The following SOS1 variants were observed in gnomAD, a reference collection of about 807,000 sequenced individuals.
The protein encoded by SOS1 is SOS Ras/Rac guanine nucleotide exchange factor 1.
SOS1 carries 25 observed loss-of-function variants against 157.6 expected under a neutral mutation model. The ratio of observed to expected loss-of-function variants is 0.16; its 90% CI spans 0.12 to 0.22. The LOEUF (loss-of-function observed/expected upper bound fraction) is 0.22, where lower values mean the gene tolerates loss of function less well. Ranked by LOEUF, SOS1 falls within the 10% of genes least tolerant of loss-of-function variation. The probability of loss-of-function intolerance (pLI) is 1.00; values close to 1 mark genes in which losing one functional copy is unlikely to be tolerated. For missense variants in SOS1, 1,237 were observed against 1,599.1 expected (o/e 0.77, Z 3.86); for synonymous variants, 528 against 534.0 (o/e 0.99, Z 0.16).
chr2:39,042,646 G>A (rs1201834511), intron 6 of SOS1, among the ~76,000 whole-genome samples: 5 of 149,540 alleles, frequency 3.3e-5, no homozygotes, highest in Admixed American at 1.3e-4. Flanking sequence ...CTTGTGATCC[G>A]CCCGCCTCAG....
In SOS1 at chr2:39,007,159, C is replaced by T. The variant is rs957752399; in HGVS notation, c.2545G>A (p.Val849Ile). ...IVETENLEER[V>I]AVVSRIIEIL... ...TCAATAATTCGACTCACCACAGCTA[C>T]TCTTTCTTCTAAATTTTCAGTTTCT... Residue 849 changes from valine to isoleucine, a missense_variant, in exon 16 of 23, where the codon GTA becomes ATA. Val to Ile is a conservative substitution (Grantham distance 29). Around this residue, in one of 15 missense-constraint regions of SOS1, gnomAD observed 105 missense variants for 236.0 expected, o/e 0.44. Coordinates refer to ENST00000402219, the MANE Select transcript of SOS1 (RefSeq NM_005633.4). 32 of 1,605,236 alleles carry T rather than the reference C, an allele frequency of 2.0e-5. No individual in the cohort carries two copies. Among genetic ancestry groups the T allele is most frequent in the Non-Finnish European group, 2.6e-5 (30 of 1,172,228 alleles).
intron 17 of SOS1, among the ~76,000 whole-genome samples, chr2:39,002,321 C>G (rs1669130337): frequency 6.7e-6 from 1 of 150,198 alleles, no homozygotes; most frequent in Non-Finnish European, 1.5e-5. Context: ...GTGAAACTGT[C>G]TTAAAAAAAA....
At position 39,035,314 on chromosome 2, in the gene SOS1, GAA is replaced by G. The variant is rs771586560; in HGVS notation, c.976-6_976-5del. The G allele has an allele frequency of 3.1e-6, 5 of 1,610,712 alleles. No homozygotes were observed. The highest frequency in any genetic ancestry group is 4.2e-6 in the Non-Finnish European group (5 of 1,177,464). ...CTTTGAAACCTTCGCCTATTGACTG[GAA>G]AAAAAAGTGATTTAATTTTTTTTTT... On this transcript the variant is annotated splice_region_variant and splice_polypyrimidine_tract_variant and intron_variant, in intron 7 of 22. Transcript: ENST00000402219.
intron 1 of SOS1, among the ~76,000 whole-genome samples, chr2:39,110,142 T>G (rs1673369242): frequency 6.6e-6 from 1 of 151,614 alleles, no homozygotes; most frequent in South Asian, 2.1e-4. Context: ...AGGACCTCCC[T>G]CAGATACCAG....
chr2:38,989,203 A>G (rs1016508514), intron 21 of SOS1, 67 bp downstream of exon 21: 1 of 1,085,332 alleles, frequency 9.2e-7, no homozygotes. Context: ...TTAGCAGGAA[A>G]GGTTACACTT....
intron 2 of SOS1, 30 bp downstream of exon 2, chr2:39,067,598 A>T (rs1419644244): frequency 6.3e-7 from 1 of 1,599,502 alleles, no homozygotes; most frequent in African/African-American, 1.4e-5. Context: ...AATTAGATAT[A>T]AAGTAAATAC....
At chr2:39,070,222 A>G (rs548574438) in intron 1 of SOS1, among the ~76,000 whole-genome samples, 1 of 152,258 alleles carries the variant, frequency 6.6e-6, no homozygotes, top group African/African-American at 2.4e-5. Flanking sequence ...CATGCCCCCA[A>G]TGGCTTAAAC....
intron 1 of SOS1, among the ~76,000 whole-genome samples, chr2:39,090,229 G>A (rs995741413): frequency 6.6e-6 from 1 of 151,882 alleles, no homozygotes; most frequent in Non-Finnish European, 1.5e-5. Flanking sequence ...TAGCGCCTAG[G>A]GCTAGTTTAG....
At chr2:39,040,468 C>T (rs2124573827) in intron 6 of SOS1, among the ~76,000 whole-genome samples, 1 of 152,252 alleles carries the variant, frequency 6.6e-6, no homozygotes, top group East Asian at 1.9e-4. Flanking sequence ...ACTCTGTATC[C>T]ATTAAACAGT....
chr2:39,078,378 A>C (rs1159609054), intron 1 of SOS1, among the ~76,000 whole-genome samples: 5 of 152,242 alleles, frequency 3.3e-5, no homozygotes, highest in African/African-American at 4.8e-5. Context: ...ATTTGGATTA[A>C]AGTTTAACAT....
Position 39,120,433 on chromosome 2 carries a change from G to C in SOS1, c.-11C>G. The C allele has an allele frequency of 6.4e-7, 1 of 1,571,894 alleles. No individual in the cohort carries two copies. Among genetic ancestry groups the C allele is most frequent in the Non-Finnish European group, 8.6e-7 (1 of 1,161,590 alleles). Reference sequence around the variant, plus strand: ...CTGCTGCGCCTGCATGGTGCCCCCGGGGCGCCTCTGGGCGGGGAGAGGGGC... The same window carrying C: ...CTGCTGCGCCTGCATGGTGCCCCCGCGGCGCCTCTGGGCGGGGAGAGGGGC... On this transcript the variant is annotated 5_prime_UTR_variant, in exon 1 of 23. Coordinates refer to ENST00000402219, the MANE Select transcript of SOS1 (RefSeq NM_005633.4).
intron 1 of SOS1, among the ~76,000 whole-genome samples, chr2:39,076,465 C>T (rs1417950755): frequency 6.6e-6 from 1 of 151,758 alleles, no homozygotes; most frequent in South Asian, 2.1e-4. Flanking sequence ...ACACCATGAC[C>T]GACTTGGGCT....
chr2:39,024,265 T>C (rs1215844447), intron 8 of SOS1, 128 bp from the exon 9 acceptor site: 4 of 784,030 alleles, frequency 5.1e-6, no homozygotes, highest in Non-Finnish European at 8.4e-6. Flanking sequence ...TGTCATCAAA[T>C]ATTCTTTTTA....
intron 1 of SOS1, among the ~76,000 whole-genome samples, chr2:39,068,956 G>A (rs1375124441): frequency 6.6e-6 from 1 of 152,054 alleles, no homozygotes; most frequent in Admixed American, 6.6e-5. Context: ...AAAGTGCACA[G>A]TACTCACTGG....
chr2:39,087,326 C>T (rs928331011), intron 1 of SOS1, among the ~76,000 whole-genome samples: 34 of 152,112 alleles, frequency 2.2e-4, no homozygotes, highest in African/African-American at 8.0e-4. Flanking sequence ...AAATATTAAC[C>T]ACTGCCAACA....
At chr2:39,113,994 T>C (rs1673542275) in intron 1 of SOS1, among the ~76,000 whole-genome samples, 1 of 152,248 alleles carries the variant, frequency 6.6e-6, no homozygotes, top group Non-Finnish European at 1.5e-5. Flanking sequence ...TGCTCTGACA[T>C]AGTGACCAAT....
intron 1 of SOS1, among the ~76,000 whole-genome samples, chr2:39,083,991 C>T (rs974425921): frequency 2.0e-5 from 3 of 152,020 alleles, no homozygotes; most frequent in Non-Finnish European, 2.9e-5. Flanking sequence ...TGAATCCAAT[C>T]CAAGACTGGT....
At chr2:39,116,691 T>C (rs1437988247) in intron 1 of SOS1, among the ~76,000 whole-genome samples, 2 of 152,098 alleles carry the variant, frequency 1.3e-5, no homozygotes, top group African/African-American at 4.8e-5. Context: ...TGAAACCCCA[T>C]CTCTACAAAA....
At chr2:39,103,756 C>G (rs1359309482) in intron 1 of SOS1, among the ~76,000 whole-genome samples, 2 of 152,116 alleles carry the variant, frequency 1.3e-5, no homozygotes, top group Non-Finnish European at 2.9e-5. Flanking sequence ...AGATCTGACA[C>G]AAAAAGCACA....
Sources: allele counts gnomAD v4.1 joint callset (sites outside exome capture counted in the v4.1 genomes callset), GRCh38; gene constraint gnomAD v4.1.1; regional missense constraint gnomAD v4.1.1; transcripts MANE v1.5; gene names NCBI Gene and HGNC (gene_info 2026-07-23, HGNC 2026-07-21).